Variants in DHX34 observed in about 807,000 individuals in gnomAD.
DHX34 encodes probable ATP-dependent RNA helicase DHX34.
Under a neutral mutation model 111.1 loss-of-function variants are expected in DHX34, and 96 were observed. The ratio of observed to expected loss-of-function variants is 0.86; its 90% confidence interval spans 0.73 to 1.02. The LOEUF (loss-of-function observed/expected upper bound fraction) is 1.02. Among genes scored for constraint, DHX34 ranks in the 50% least tolerant of loss-of-function variants. The pLI is 0.00. For missense variants in DHX34, 1,560 were observed against 1,579.9 expected (o/e 0.99, Z 0.21); for synonymous variants, 688 against 670.4 (o/e 1.03, Z -0.41).
rs1272065825 is a variant in DHX34, at chr19:47,353,282, A to G, written c.252A>G (p.Gly84=). Residue 84 remains glycine (G), a synonymous_variant, in exon 2 of 17, where the codon GGA becomes GGG. Coordinates refer to ENST00000328771, the MANE Select transcript of DHX34 (RefSeq NM_014681.6). This position sits in a 1 kb window ranked among gnomAD's most constrained non-coding sequence, Gnocchi z 4.6. ...CCAGGAAGGAGGAGAAAGACCCTGGACAGCCCAAGCACAGCATCCCAGCGC... is the reference window on the plus strand; with the variant it reads ...CCAGGAAGGAGGAGAAAGACCCTGGGCAGCCCAAGCACAGCATCCCAGCGC... ...KTSRKEEKDP[G]QPKHSIPALA... The G allele has an allele frequency of 1.2e-6, 2 of 1,614,172 alleles. No homozygotes were observed. The highest frequency in any genetic ancestry group is 3.3e-5 in the Admixed American group (2 of 60,016).
At position 47,382,015 on chromosome 19, in the gene DHX34, A is replaced by G. The variant is rs770270856; in HGVS notation, c.3334A>G (p.Thr1112Ala). The G allele has an allele frequency of 2.0e-5, 33 of 1,613,980 alleles. No individual in the cohort carries two copies. In the South Asian group the frequency reaches 3.4e-4, roughly 17 times the overall value. The change falls in exon 17 of 17, where the codon ACA becomes GCA. Residue 1112 changes from threonine to alanine, a missense_variant. Coordinates refer to ENST00000328771, the MANE Select transcript of DHX34 (RefSeq NM_014681.6). ...AGCTGCCCTCGAAACCCTCCAGAAG[A>G]CATCTGTCCTGCAGAGGCCCTACCA... ...EEAALETLQK[T>A]SVLQRPYHCE...
At chr19:47,379,483 TGCCGCCCC>T in intron 13 of DHX34, 6 of 606,004 alleles carry the variant, frequency 9.9e-6, no homozygotes, top group Non-Finnish European at 1.2e-5. Flanking sequence ...CGCTCCCATC[TGCCGCCCC>T]GCCACCCCAG....
At position 47,358,127 on chromosome 19, in the gene DHX34, C is replaced by T. The variant is rs1291186088; in HGVS notation, c.1272+7C>T. 3.1e-6 allele frequency: 5 copies of T among 1,599,198 alleles called. No homozygotes were observed. Among genetic ancestry groups the T allele is most frequent in the African/African-American group, 1.3e-5 (1 of 74,682 alleles). ...TGTGGCCGACCAGGACAAGGTATCA[C>T]AGGAAGCCCGAGTGGGGCAGGCGGG... On this transcript the variant is annotated splice_region_variant and intron_variant, in intron 4 of 16. Coordinates refer to ENST00000328771, the MANE Select transcript of DHX34 (RefSeq NM_014681.6).
At chr19:47,381,923 A>G (rs889167) in intron 16 of DHX34, 57 bp from the exon 17 acceptor site, 1,596,715 of 1,611,474 alleles carry the variant, frequency 0.99, 791,158 homozygotes, top group African/African-American at 1. Context: ...ATTTGGGTGC[A>G]GGTAGACCTG....
intron 6 of DHX34, among the ~76,000 whole-genome samples, chr19:47,365,140 C>T (rs1316593801): frequency 6.6e-6 from 1 of 152,202 alleles, no homozygotes; most frequent in Middle Eastern, 3.4e-3. Context: ...AGTGTCTCAG[C>T]CCCAGCTGCA....
Position 47,353,080 on chromosome 19 carries a change from G to A in DHX34, c.50G>A (p.Arg17Gln), listed in dbSNP as rs764716261. Residue 17 changes from arginine (R) to glutamine (Q), a missense_variant, in exon 2 of 17, where the codon CGG (arginine) becomes CAG (glutamine). Transcript: ENST00000328771. This position sits in a 1 kb window ranked among gnomAD's most constrained non-coding sequence, Gnocchi z 4.6. ...GGCAGGGATCGCCGAGACCACCACCGGGCTCCCAGCGAGGAAGAGGCCTTG... is the reference window on the plus strand; with the variant it reads ...GGCAGGGATCGCCGAGACCACCACCAGGCTCCCAGCGAGGAAGAGGCCTTG... ...REGRDRRDHH[R>Q]APSEEEALEK... is the part of the protein sequence containing the mutation. 2 of 1,614,068 alleles carry A rather than the reference G, an allele frequency of 1.2e-6. No individual in the cohort carries two copies. The highest frequency in any genetic ancestry group is 1.7e-6 in the Non-Finnish European group (2 of 1,179,956).
intron 13 of DHX34, among the ~76,000 whole-genome samples, chr19:47,377,418 G>A (rs942814023): frequency 4.6e-5 from 7 of 152,320 alleles, no homozygotes; most frequent in South Asian, 2.1e-4. Flanking sequence ...GGTGCCAGGC[G>A]CTGTGCCAGG....
intron 13 of DHX34, among the ~76,000 whole-genome samples, chr19:47,378,236 TCAGTCAC>T (rs1970232419): frequency 1.3e-5 from 2 of 152,124 alleles, no homozygotes; most frequent in Non-Finnish European, 2.9e-5. Context: ...CCAGCTCAGC[TCAGTCAC>T]TTCTGTGTGT....
In DHX34 at chr19:47,364,435, T is replaced by A. The variant is rs550830783; in HGVS notation, c.1593+1742T>A. On this transcript the variant is annotated intron_variant, in intron 6 of 16. Coordinates refer to ENST00000328771, the MANE Select transcript of DHX34 (RefSeq NM_014681.6). ...TTCTATTCTGTTTGATTTCATCTTT[T>A]AAAAAAAAAAATACTAGTGCTGCCG... 1.1e-3 allele frequency among the ~76,000 whole-genome samples: 160 copies of A among 148,290 alleles called. 2 individuals are homozygous for A. Among genetic ancestry groups the A allele is most frequent in the African/African-American group, 2.6e-3 (104 of 40,640 alleles).
intron 7 of DHX34, among the ~76,000 whole-genome samples, chr19:47,372,366 C>T (rs149831446): frequency 1.1e-3 from 165 of 152,094 alleles, no homozygotes; most frequent in Middle Eastern, 3.4e-3. Context: ...AAATGAGCTC[C>T]TAGAGCAAAG....
chr19:47,373,043 C>CA, intron 8 of DHX34, 120 bp downstream of exon 8: 2 of 1,314,416 alleles, frequency 1.5e-6, no homozygotes, highest in Non-Finnish European at 2.0e-6. Context: ...ACTGAGCCCC[C>CA]CACAGACTGG....
At position 47,357,897 on chromosome 19, in the gene DHX34, C is replaced by T; in HGVS notation, c.1049C>T (p.Thr350Ile). The change falls in exon 4 of 17, where the codon ACC becomes ATC. Residue 350 changes from threonine to isoleucine, a missense_variant. Transcript: ENST00000328771. Reference protein sequence around the residue: ...VVYQPQEAEPTTSKSEKLDPR... With the variant: ...VVYQPQEAEPITSKSEKLDPR... ...TACCAGCCGCAGGAGGCGGAGCCGA[C>T]CACGTCCAAGTCAGAGAAGCTGGAC... The T allele has an allele frequency of 6.2e-7, 1 of 1,613,858 alleles. No homozygotes were observed. The highest frequency in any genetic ancestry group is 8.5e-7 in the Non-Finnish European group (1 of 1,179,948).
At chr19:47,373,086 C>T (rs1456191354) in intron 8 of DHX34, among the ~76,000 whole-genome samples, 163 bp downstream of exon 8, 1 of 152,262 alleles carries the variant, frequency 6.6e-6, no homozygotes, top group Non-Finnish European at 1.5e-5. Flanking sequence ...CTCCATCATC[C>T]ATGCTTTCGG....
In DHX34 at chr19:47,375,717, C is replaced by T; in HGVS notation, c.2307+9C>T. 2.6e-6 allele frequency: 4 copies of T among 1,563,148 alleles called. No individual in the cohort carries two copies. Among genetic ancestry groups the T allele is most frequent in the Non-Finnish European group, 3.5e-6 (4 of 1,159,330 alleles). ...ATGGCGTGGACATCCAGGTGGGCGCCATGGGCTGTGGGGTGTGGGGGTTTA... is the reference window on the plus strand; with the variant it reads ...ATGGCGTGGACATCCAGGTGGGCGCTATGGGCTGTGGGGTGTGGGGGTTTA... On this transcript the variant is annotated intron_variant, in intron 10 of 16. Transcript: ENST00000328771.
chr19:47,375,453 C>T lies in DHX34; in HGVS notation c.2065-13C>T, dbSNP rs1360540104. On this transcript the variant is annotated splice_polypyrimidine_tract_variant and intron_variant, in intron 9 of 16. Transcript: ENST00000328771. ...CTGCCCTGAGGCCCTCACCCCTACC[C>T]ACCTGCCCCTAGGAGCTGTTGGAGG... The T allele has an allele frequency of 5.1e-6, 8 of 1,577,994 alleles. No homozygotes were observed. The highest frequency in any genetic ancestry group is 2.7e-5 in the African/African-American group (2 of 74,288).
rs1191845815 is a variant in DHX34 at position 47,376,520 on chromosome 19, C to T, written c.2559C>T (p.His853=). 2.0e-5 allele frequency: 31 copies of T among 1,587,372 alleles called. No individual in the cohort carries two copies. Among genetic ancestry groups the T allele is most frequent in the East Asian group, 2.3e-5 (1 of 43,372 alleles). ...TCGCTGGCAGCCCCGAGGTGCTGCACGCACAGGAGCTGGAGGCCAGCAACT... is the reference window on the plus strand; with the variant it reads ...TCGCTGGCAGCCCCGAGGTGCTGCATGCACAGGAGCTGGAGGCCAGCAACT... ...CVFAGSPEVL[H]AQELEASNCD... Residue 853 remains histidine, a synonymous_variant, in exon 12 of 17, where the codon CAC becomes CAT. Coordinates refer to ENST00000328771, the MANE Select transcript of DHX34 (RefSeq NM_014681.6).
rs765755756 is a variant in DHX34 at position 47,381,932 on chromosome 19, T to C, written c.3299-48T>C. ...CCTGGCATTTGGGTGCAGGTAGACC[T>C]GTGCACTGGAACACGCCCCTCACAG... is the stretch of plus-strand genomic sequence containing the variant. On this transcript the variant is annotated intron_variant, in intron 16 of 16. Coordinates refer to ENST00000328771, the MANE Select transcript of DHX34 (RefSeq NM_014681.6). The C allele has an allele frequency of 4.3e-6, 7 of 1,612,914 alleles. No homozygotes were observed. The Admixed American group carries it at 1.2e-4, about 27-fold the overall frequency.
At position 47,375,922 on chromosome 19, in the gene DHX34, A is replaced by C. The variant is rs752953031; in HGVS notation, c.2308-2A>C. 1 of 1,600,638 alleles carries C rather than the reference A, an allele frequency of 6.2e-7. No homozygotes were observed. Among genetic ancestry groups the C allele is most frequent in the Admixed American group, 1.8e-5 (1 of 55,620 alleles). On this transcript the variant is annotated splice_acceptor_variant, in intron 10 of 16. Transcript: ENST00000328771. LOFTEE classifies it high-confidence loss of function. ...GACTCTGCCTCCCCGTGCTCCCCCC[A>C]GGATGTGAAGTTCAAGCTTCGGCAT...
At chr19:47,370,123 G>T (rs1008758611) in intron 7 of DHX34, among the ~76,000 whole-genome samples, 5 of 152,140 alleles carry the variant, frequency 3.3e-5, no homozygotes, top group African/African-American at 1.2e-4. Flanking sequence ...TGTGGCCTGT[G>T]GTGTCTGGCT....
Sources: allele counts gnomAD v4.1 joint callset (sites outside exome capture counted in the v4.1 genomes callset), GRCh38; gene constraint gnomAD v4.1.1; non-coding constraint Gnocchi (gnomAD v3.1); transcripts MANE v1.5; gene names NCBI Gene and HGNC (gene_info 2026-07-23, HGNC 2026-07-21).